Variants in MAGI1 observed in about 807,000 individuals in gnomAD.
The protein encoded by MAGI1 is membrane-associated guanylate kinase, WW and PDZ domain-containing protein 1.
A neutral mutation model predicts 139.9 loss-of-function variants in MAGI1; 58 were observed. The ratio of observed to expected loss-of-function variants is 0.41; its 90% CI spans 0.34 to 0.52. The LOEUF is 0.52. MAGI1 is among the 20% of genes least tolerant of loss of function. The pLI, the probability that MAGI1 is intolerant of heterozygous loss-of-function variation, is 0.12. For synonymous variants in MAGI1, 812 were observed against 737.9 expected, an observed-to-expected ratio of 1.10 and a Z score of -1.63; for missense variants, 1,874 against 1,901.6, an observed-to-expected ratio of 0.99 and a Z score of 0.27.
At chr3:66,035,374 T>C (rs549831731) in intron 1 of MAGI1, among the ~76,000 whole-genome samples, 27 of 152,292 alleles carry the variant, frequency 1.8e-4, no homozygotes, top group Non-Finnish European at 2.8e-4. Context: ...AACACAAAAG[T>C]AGTATTTTTC....
chr3:65,408,526 AC>A (rs1945533054), intron 12 of MAGI1, among the ~76,000 whole-genome samples: 1 of 152,132 alleles, frequency 6.6e-6, no homozygotes, highest in East Asian at 1.9e-4. Context: ...CAAATTGAGA[AC>A]AATCTGAGAC....
intron 1 of MAGI1, among the ~76,000 whole-genome samples, chr3:65,667,403 A>T (rs1035316052): frequency 5.3e-5 from 8 of 152,154 alleles, no homozygotes; most frequent in African/African-American, 1.7e-4. Flanking sequence ...GTAAAACTTA[A>T]TTATACTTTC....
At position 65,673,388 on chromosome 3, in the gene MAGI1, C is replaced by T. The variant is rs138070010; in HGVS notation, c.314-51300G>A. ...AGAGTAACCTGTGTCTGTTTTTTTA[C>T]GTAAAAACATGTATAAAATATTTAT... is the stretch of plus-strand genomic sequence containing the variant. On this transcript the variant is annotated intron_variant, in intron 1 of 22. Transcript: ENST00000402939. Among the ~76,000 whole-genome samples, 377 of 152,150 alleles carry T rather than the reference C, an allele frequency of 2.5e-3. 2 individuals carry two copies. The highest frequency in any genetic ancestry group is 8.0e-3 in the African/African-American group (330 of 41,490).
chr3:65,415,786 G>C (rs1416036070), intron 12 of MAGI1, among the ~76,000 whole-genome samples: 1 of 152,162 alleles, frequency 6.6e-6, no homozygotes, highest in Non-Finnish European at 1.5e-5. Context: ...AGGACATTTG[G>C]CCCTGTCTGA....
chr3:65,564,730 C>T (rs1045180237), intron 2 of MAGI1, among the ~76,000 whole-genome samples: 2 of 152,174 alleles, frequency 1.3e-5, no homozygotes, highest in African/African-American at 4.8e-5. Flanking sequence ...AGTACTCTAA[C>T]CTGCAGCTAG....
chr3:65,482,669 C>T (rs1028140624), intron 3 of MAGI1, among the ~76,000 whole-genome samples: 5 of 152,300 alleles, frequency 3.3e-5, no homozygotes, highest in Admixed American at 2.6e-4. Context: ...TCTTATTTCC[C>T]GTACTGAAAC....
At chr3:65,611,366 TATATATAC>T (rs1260985679) in intron 2 of MAGI1, among the ~76,000 whole-genome samples, 1 of 143,668 alleles carries the variant, frequency 7.0e-6, no homozygotes, top group Admixed American at 7.1e-5. Flanking sequence ...CTATATACAG[TATATATAC>T]ATATATACAG....
chr3:65,866,577 G>A (rs1184552479), intron 1 of MAGI1, among the ~76,000 whole-genome samples: 1 of 151,996 alleles, frequency 6.6e-6, no homozygotes. Flanking sequence ...AGACTAACCT[G>A]TATAACCTGA....
chr3:65,454,163 C>G (rs1478335604), intron 5 of MAGI1, among the ~76,000 whole-genome samples: 2 of 152,132 alleles, frequency 1.3e-5, no homozygotes, highest in Admixed American at 6.5e-5. Context: ...CTGCTTGAGC[C>G]CCCAGGGCAC....
intron 1 of MAGI1, among the ~76,000 whole-genome samples, chr3:65,918,982 T>C (rs1012607577): frequency 2.6e-5 from 4 of 151,554 alleles, no homozygotes; most frequent in South Asian, 2.1e-4. Flanking sequence ...CAAAAGGGTA[T>C]AAAATTGGAA....
At chr3:65,926,327 T>TTC (rs377665681) in intron 1 of MAGI1, among the ~76,000 whole-genome samples, 17,990 of 115,538 alleles carry the variant, frequency 0.16, 1,287 homozygotes, top group East Asian at 0.35. Flanking sequence ...AAGTCTTCTT[T>TTC]TCTCTCTCTC....
chr3:65,924,609 A>C (rs1436566912), intron 1 of MAGI1, among the ~76,000 whole-genome samples: 3 of 152,176 alleles, frequency 2.0e-5, no homozygotes, highest in Non-Finnish European at 4.4e-5. Context: ...GCTTGCTTAG[A>C]GTACTAGAGC....
chr3:65,864,637 C>G (rs113514835), intron 1 of MAGI1, among the ~76,000 whole-genome samples: 2,117 of 152,290 alleles, frequency 0.014, 50 homozygotes, highest in African/African-American at 0.048. Context: ...AACCAGGTTA[C>G]TACAGAGAGG....
rs768885100 is a variant in MAGI1, at chr3:65,977,135, T to C, written c.313+60861A>G. Among the ~76,000 whole-genome samples, 133 of 152,282 alleles carry C rather than the reference T, an allele frequency of 8.7e-4. 1 individual carries two copies. Among genetic ancestry groups the C allele is most frequent in the Non-Finnish European group, 1.8e-3 (121 of 68,016 alleles). ...TGATTGTGATGTTATAGGTTTTCTT[T>C]CCATCTAACTTGTGCTTTAGGCATC... On this transcript the variant is annotated intron_variant, in intron 1 of 22. Coordinates refer to ENST00000402939, the MANE Select transcript of MAGI1 (RefSeq NM_001033057.2).
In MAGI1 at chr3:65,791,117, G is replaced by A. The variant is rs558030139; in HGVS notation, c.314-169029C>T. Among the ~76,000 whole-genome samples the A allele has an allele frequency of 2.3e-4, 35 of 152,246 alleles. No individual in the cohort carries two copies. The South Asian group carries it at 6.9e-3, about 30-fold the overall frequency. On this transcript the variant is annotated intron_variant, in intron 1 of 22. Coordinates refer to ENST00000402939, the MANE Select transcript of MAGI1 (RefSeq NM_001033057.2). The stretch of plus-strand genomic sequence containing the variant: ...AAATAAAGAATGTGCAAATCAACAT[G>A]CTTTATACGTGCAATTCTTTTAAAA...
intron 11 of MAGI1, among the ~76,000 whole-genome samples, 166 bp from the exon 12 acceptor site, chr3:65,430,306 T>C (rs1947357344): frequency 6.6e-6 from 1 of 152,158 alleles, no homozygotes; most frequent in African/African-American, 2.4e-5. Context: ...AATAAAGTGT[T>C]CTTTCAGCAC....
intron 22 of MAGI1, chr3:65,360,767 T>C: frequency 9.9e-7 from 1 of 1,013,572 alleles, no homozygotes; most frequent in Non-Finnish European, 1.2e-6. Context: ...GCCTCTTAAA[T>C]AAAGACACCA....
intron 1 of MAGI1, among the ~76,000 whole-genome samples, chr3:65,988,135 T>C (rs911788132): frequency 3.3e-5 from 5 of 152,128 alleles, no homozygotes; most frequent in Admixed American, 6.5e-5. Flanking sequence ...GACATTCCAA[T>C]CAAGTATGAA....
intron 2 of MAGI1, among the ~76,000 whole-genome samples, chr3:65,505,215 T>C (rs1262534899): frequency 1.3e-5 from 2 of 152,174 alleles, no homozygotes; most frequent in East Asian, 3.9e-4. Context: ...TAAAATGGAA[T>C]GAACTACTTC....
Sources: allele counts gnomAD v4.1 joint callset (sites outside exome capture counted in the v4.1 genomes callset), GRCh38; gene constraint gnomAD v4.1.1; transcripts MANE v1.5; gene names NCBI Gene and HGNC (gene_info 2026-07-23, HGNC 2026-07-21).